CDK14: variants seen among roughly 807,000 people sequenced by gnomAD.
The protein encoded by CDK14 is cyclin-dependent kinase 14.
A neutral mutation model predicts 60.7 loss-of-function variants in CDK14; 34 were observed. The observed-to-expected ratio is 0.56, with a 90% CI of 0.43 to 0.75. The LOEUF (loss-of-function observed/expected upper bound fraction) is 0.75. Among genes scored for constraint, CDK14 ranks in the 30% least tolerant of loss-of-function variants. The pLI is 0.00. For missense variants in CDK14, 482 were observed against 564.1 expected, an observed-to-expected ratio of 0.85 and a Z score of 1.47; for synonymous variants, 197 against 203.7, an observed-to-expected ratio of 0.97 and a Z score of 0.28.
chr7:90,971,480 C>T (rs1794930701), intron 9 of CDK14, among the ~76,000 whole-genome samples: 2 of 151,914 alleles, frequency 1.3e-5, no homozygotes, highest in African/African-American at 4.8e-5. Context: ...ATGCCATGGA[C>T]AAAGACTAAC....
chr7:91,072,848 C>G (rs537150233), intron 11 of CDK14, among the ~76,000 whole-genome samples: 7 of 151,842 alleles, frequency 4.6e-5, no homozygotes, highest in African/African-American at 1.7e-4. Flanking sequence ...AGATGAAAAA[C>G]AGCATGAGAC....
At chr7:90,696,882 G>A (rs6965988) in intron 2 of CDK14, among the ~76,000 whole-genome samples, 61,311 of 151,892 alleles carry the variant, frequency 0.4, 12,939 homozygotes, top group East Asian at 0.67. Flanking sequence ...GGAAAACTAC[G>A]GGAGTGTGGT....
chr7:90,786,926 CAAAAA>C (rs34902431), intron 4 of CDK14, among the ~76,000 whole-genome samples: 2 of 87,752 alleles, frequency 2.3e-5, no homozygotes, highest in Non-Finnish European at 2.2e-5. Flanking sequence ...ACCCTGTCTC[CAAAAA>C]AAAAAAAAAA....
chr7:91,128,027 C>T (rs569115543), intron 14 of CDK14, among the ~76,000 whole-genome samples: 1 of 152,170 alleles, frequency 6.6e-6, no homozygotes, highest in South Asian at 2.1e-4. Context: ...TATCTTTTGG[C>T]GTGGAGATCT....
chr7:91,094,837 C>T (rs1190028060), intron 12 of CDK14, among the ~76,000 whole-genome samples: 1 of 152,170 alleles, frequency 6.6e-6, no homozygotes, highest in Non-Finnish European at 1.5e-5. Flanking sequence ...GACTACCCTT[C>T]ATTAGCACCC....
chr7:91,110,720 G>T (rs1484385010), intron 12 of CDK14, among the ~76,000 whole-genome samples: 2 of 152,034 alleles, frequency 1.3e-5, no homozygotes, highest in Non-Finnish European at 2.9e-5. Context: ...TCTGAATTTA[G>T]GAAAATGATA....
At chr7:90,847,491 A>G (rs1020009283) in intron 5 of CDK14, among the ~76,000 whole-genome samples, 51 of 152,128 alleles carry the variant, frequency 3.4e-4, no homozygotes, top group African/African-American at 1.2e-3. Flanking sequence ...CAATCTACCC[A>G]TACTTTATCC....
chr7:91,158,758 T>G (rs980503140), intron 14 of CDK14, among the ~76,000 whole-genome samples: 1 of 152,196 alleles, frequency 6.6e-6, no homozygotes, highest in African/African-American at 2.4e-5. Flanking sequence ...AGGTAAGGAA[T>G]TGATGGTCAA....
chr7:90,971,899 T>C (rs1035989971), intron 9 of CDK14, among the ~76,000 whole-genome samples: 6 of 152,316 alleles, frequency 3.9e-5, no homozygotes, highest in African/African-American at 1.4e-4. Context: ...ATGTAGATCC[T>C]AGTAAGAGGA....
At chr7:91,143,239 G>C (rs919993038) in intron 14 of CDK14, among the ~76,000 whole-genome samples, 1 of 152,156 alleles carries the variant, frequency 6.6e-6, no homozygotes, top group Admixed American at 6.5e-5. Flanking sequence ...AAATGTAATC[G>C]CCTCAAAAAC....
At chr7:91,069,953 C>T (rs1032052005) in intron 11 of CDK14, among the ~76,000 whole-genome samples, 3 of 152,108 alleles carry the variant, frequency 2.0e-5, no homozygotes, top group Non-Finnish European at 4.4e-5. Flanking sequence ...CACACCACCA[C>T]ACCTAGCTGA....
chr7:90,879,895 A>G (rs1791688054), intron 6 of CDK14, among the ~76,000 whole-genome samples: 1 of 151,986 alleles, frequency 6.6e-6, no homozygotes, highest in Admixed American at 6.6e-5. Context: ...TCCCCAGAGA[A>G]GGGAGACTGT....
At chr7:90,934,676 A>G (rs1378380463) in intron 8 of CDK14, among the ~76,000 whole-genome samples, 12 of 152,234 alleles carry the variant, frequency 7.9e-5, no homozygotes, top group Admixed American at 7.8e-4. Context: ...TCAGTGATCT[A>G]TTTTAGCTTT....
intron 9 of CDK14, among the ~76,000 whole-genome samples, chr7:90,959,418 A>G (rs952866291): frequency 3.9e-5 from 6 of 152,172 alleles, no homozygotes; most frequent in Non-Finnish European, 5.9e-5. Flanking sequence ...AGAAGTTCAC[A>G]GGCACTGATT....
rs1278566462 is a variant in CDK14 at position 90,635,315 on chromosome 7, G to T, written c.123+31066G>T. 1.2e-4 allele frequency among the ~76,000 whole-genome samples: 18 copies of T among 152,292 alleles called. No homozygotes were observed. In the East Asian group the frequency reaches 3.3e-3, roughly 28 times the overall value. The stretch of plus-strand genomic sequence containing the variant: ...CATCTTGAATTAATTTTTGTATAAG[G>T]TGTAAGGAAGGGATCCAGTTTCAGC... On this transcript the variant is annotated intron_variant, in intron 2 of 14. Transcript: ENST00000380050.
At chr7:90,975,363 A>G (rs1371525439) in intron 9 of CDK14, among the ~76,000 whole-genome samples, 1 of 151,898 alleles carries the variant, frequency 6.6e-6, no homozygotes, top group Non-Finnish European at 1.5e-5. Flanking sequence ...AAAAATTGAC[A>G]ATAATTTACA....
At position 91,210,239 on chromosome 7, in the gene CDK14, T is replaced by C. The variant is rs1300982662; in HGVS notation, c.*3103T>C. 1 of 152,646 alleles carries C rather than the reference T, an allele frequency of 6.6e-6. No individual in the cohort carries two copies. Among genetic ancestry groups the C allele is most frequent in the African/African-American group, 2.4e-5 (1 of 41,462 alleles). The allele number at this position is 152,646 out of a possible 1,614,324, so 9.5% of individuals were successfully genotyped here. On this transcript the variant is annotated 3_prime_UTR_variant, in exon 15 of 15. Coordinates refer to ENST00000380050, the MANE Select transcript of CDK14 (RefSeq NM_001287135.2). ...AAAATCAATAAAATAAGCAATCTTC[T>C]ATTCTCATTCCTTTTCCCACAGCAG...
At chr7:90,920,323 G>T (rs752672359) in intron 8 of CDK14, among the ~76,000 whole-genome samples, 9 of 152,136 alleles carry the variant, frequency 5.9e-5, no homozygotes, top group Admixed American at 1.3e-4. Flanking sequence ...TTGACTAAAA[G>T]AGACAAATAC....
chr7:91,123,906 G>C (rs1477496854), intron 14 of CDK14, among the ~76,000 whole-genome samples: 1 of 151,938 alleles, frequency 6.6e-6, no homozygotes, highest in Non-Finnish European at 1.5e-5. Flanking sequence ...TTTTTGTTTT[G>C]TTTTGTTTTT....
Sources: allele counts gnomAD v4.1 joint callset (sites outside exome capture counted in the v4.1 genomes callset), GRCh38; gene constraint gnomAD v4.1.1; transcripts MANE v1.5; gene names NCBI Gene and HGNC (gene_info 2026-07-23, HGNC 2026-07-21).